The following GALNT13 variants were observed in gnomAD, a reference collection of about 807,000 sequenced individuals.
GALNT13 encodes polypeptide N-acetylgalactosaminyltransferase 13.
Under a neutral mutation model 64.2 loss-of-function variants are expected in GALNT13, and 28 were observed. That is an observed-to-expected ratio of 0.44 (90% CI 0.32 to 0.60). The LOEUF (loss-of-function observed/expected upper bound fraction) is 0.60. GALNT13 is among the 20% of genes least tolerant of loss of function. The probability of loss-of-function intolerance (pLI) is 0.05; values close to 1 mark genes in which losing one functional copy is unlikely to be tolerated. For synonymous variants in GALNT13, 214 were observed against 224.6 expected, an observed-to-expected ratio of 0.95 and a Z score of 0.42; for missense variants, 577 against 669.8, an observed-to-expected ratio of 0.86 and a Z score of 1.53.
At chr2:153,550,762 T>C in the GALNT13 span, among the ~76,000 whole-genome samples, 5 of 152,348 alleles carry the variant, frequency 3.3e-5, no homozygotes, top group East Asian at 7.7e-4. Context: ...TATTTGAATA[T>C]ATCTAACAAT....
intron 3 of GALNT13, among the ~76,000 whole-genome samples, chr2:153,962,772 A>AT (rs1693032601): frequency 6.6e-6 from 1 of 152,154 alleles, no homozygotes; most frequent in Admixed American, 6.5e-5. Flanking sequence ...CCTCTGCACA[A>AT]TGTCCCTCAT....
intron 4 of GALNT13, among the ~76,000 whole-genome samples, chr2:154,195,366 T>C (rs1407731582): frequency 5.9e-5 from 9 of 152,104 alleles, no homozygotes; most frequent in Admixed American, 1.3e-4. Context: ...AAATGTACCG[T>C]GGGAGAAATG....
At chr2:154,312,125 G>C (rs997709521) in intron 9 of GALNT13, among the ~76,000 whole-genome samples, 2 of 152,188 alleles carry the variant, frequency 1.3e-5, no homozygotes, top group Non-Finnish European at 2.9e-5. Flanking sequence ...CAAGGGTATT[G>C]ATTGGGGAAG....
chr2:153,528,309 C>T, the GALNT13 span, among the ~76,000 whole-genome samples: 10 of 151,642 alleles, frequency 6.6e-5, no homozygotes, highest in East Asian at 1.7e-3. Context: ...GATTTTAAGA[C>T]AAAAACTATA....
At chr2:153,290,193 A>G in the GALNT13 span, among the ~76,000 whole-genome samples, 2 of 152,062 alleles carry the variant, frequency 1.3e-5, no homozygotes, top group African/African-American at 4.8e-5. Context: ...ATTGTTAGCT[A>G]TTTATTATCA....
the GALNT13 span, among the ~76,000 whole-genome samples, chr2:153,308,638 T>C: frequency 6.6e-6 from 1 of 152,210 alleles, no homozygotes; most frequent in Non-Finnish European, 1.5e-5. Context: ...AAATTCTGAA[T>C]GTACAACTGT....
the GALNT13 span, among the ~76,000 whole-genome samples, chr2:153,380,462 A>T: frequency 6.6e-6 from 1 of 151,994 alleles, no homozygotes; most frequent in Non-Finnish European, 1.5e-5. Flanking sequence ...ACACAGCAAG[A>T]TCCTCTCTCT....
chr2:153,791,186 A>G, the GALNT13 span, among the ~76,000 whole-genome samples: 2 of 152,180 alleles, frequency 1.3e-5, no homozygotes, highest in African/African-American at 2.4e-5. Flanking sequence ...AAAAAAGCAA[A>G]CAACCCCATT....
At chr2:153,192,216 C>G in the GALNT13 span, among the ~76,000 whole-genome samples, 1 of 151,820 alleles carries the variant, frequency 6.6e-6, no homozygotes, top group Non-Finnish European at 1.5e-5. Flanking sequence ...TTTGCTATAT[C>G]TCATAGGTTT....
chr2:153,475,571 T>C, the GALNT13 span, among the ~76,000 whole-genome samples: 2 of 152,340 alleles, frequency 1.3e-5, no homozygotes, highest in African/African-American at 2.4e-5. Context: ...TTCAGGACTT[T>C]TGTTTTAAAT....
At chr2:153,771,305 G>A in the GALNT13 span, among the ~76,000 whole-genome samples, 1 of 152,160 alleles carries the variant, frequency 6.6e-6, no homozygotes, top group African/African-American at 2.4e-5. Flanking sequence ...AGGAAGGTCA[G>A]GACAGCTCAA....
the GALNT13 span, among the ~76,000 whole-genome samples, chr2:153,329,250 G>A: frequency 6.6e-6 from 1 of 152,128 alleles, no homozygotes; most frequent in Admixed American, 6.5e-5. Flanking sequence ...TTCCTATTCT[G>A]CCATCTTGCC....
At chr2:153,652,836 C>G in the GALNT13 span, among the ~76,000 whole-genome samples, 1 of 151,970 alleles carries the variant, frequency 6.6e-6, no homozygotes, top group African/African-American at 2.4e-5. Context: ...CAGATTAATA[C>G]TAAATTATCA....
At chr2:153,986,571 T>A (rs1694814208) in intron 3 of GALNT13, among the ~76,000 whole-genome samples, 3 of 151,976 alleles carry the variant, frequency 2.0e-5, no homozygotes, top group South Asian at 2.1e-4. Flanking sequence ...TTTGAGTAGT[T>A]ATTTTTTAAT....
At chr2:153,381,049 T>C in the GALNT13 span, among the ~76,000 whole-genome samples, 99 of 151,946 alleles carry the variant, frequency 6.5e-4, no homozygotes, top group African/African-American at 2.3e-3. Flanking sequence ...TATTCTCCCA[T>C]TATATATCAT....
At chr2:153,538,277 T>C in the GALNT13 span, among the ~76,000 whole-genome samples, 1 of 151,526 alleles carries the variant, frequency 6.6e-6, no homozygotes, top group South Asian at 2.1e-4. Context: ...TGGGAAAGAT[T>C]ATTTAGGGTA....
chr2:154,005,824 C>T (rs1421758820), intron 3 of GALNT13, among the ~76,000 whole-genome samples: 2 of 152,068 alleles, frequency 1.3e-5, no homozygotes, highest in African/African-American at 4.8e-5. Context: ...TGGTTCGACA[C>T]AGATTTCTAA....
intron 9 of GALNT13, among the ~76,000 whole-genome samples, chr2:154,322,425 C>T (rs1694673801): frequency 6.6e-6 from 1 of 151,828 alleles, no homozygotes; most frequent in South Asian, 2.1e-4. Context: ...TGGGACATGG[C>T]ACTAGGAGCA....
At chr2:153,480,019 A>G in the GALNT13 span, among the ~76,000 whole-genome samples, 29 of 152,168 alleles carry the variant, frequency 1.9e-4, no homozygotes, top group Admixed American at 1.9e-3. Context: ...TTTACTTTCT[A>G]TTAAATGTTC....
Sources: allele counts gnomAD v4.1 joint callset (sites outside exome capture counted in the v4.1 genomes callset), GRCh38; gene constraint gnomAD v4.1.1; transcripts MANE v1.5; gene names NCBI Gene and HGNC (gene_info 2026-07-23, HGNC 2026-07-21).